The following PPFIA3 variants were observed in gnomAD, a reference collection of about 807,000 sequenced individuals.
PPFIA3 encodes PPFI scaffold protein A3.
Under a neutral mutation model 145.8 loss-of-function variants are expected in PPFIA3, and 26 were observed. That is an observed-to-expected ratio of 0.18 (90% confidence interval 0.13 to 0.25). The LOEUF (loss-of-function observed/expected upper bound fraction) is 0.25. Among genes scored for constraint, PPFIA3 ranks in the 10% least tolerant of loss-of-function variants. The pLI is 1.00. For missense variants in PPFIA3, 1,008 were observed against 1,587.8 expected (o/e 0.63, Z 6.21); for synonymous variants, 645 against 661.4 (o/e 0.98, Z 0.38).
chr19:49,139,311 T>A, intron 16 of PPFIA3, among the ~76,000 whole-genome samples: 1 of 143,956 alleles, frequency 6.9e-6, no homozygotes, highest in Non-Finnish European at 1.5e-5. Context: ...GCGACAGAGC[T>A]AGACTCTGTC....
chr19:49,130,646 G>C lies in PPFIA3; in HGVS notation c.879+47G>C. ...GCTGCCCTGGGTCCCTCGCCTTTCC[G>C]TAGAGCTCTCCCTCGCGCATTGCTC... is the stretch of plus-strand genomic sequence containing the variant. On this transcript the variant is annotated intron_variant, in intron 7 of 29. Transcript: ENST00000334186. This position sits in a 1 kb window ranked among gnomAD's most constrained non-coding sequence, Gnocchi z 4.5. 1 of 1,493,020 alleles carries C rather than the reference G, an allele frequency of 6.7e-7. No homozygotes were observed. The highest frequency in any genetic ancestry group is 9.1e-7 in the Non-Finnish European group (1 of 1,103,382). The allele number at this position is 1,493,020 out of a possible 1,614,324, so 92.5% of individuals were successfully genotyped here.
At position 49,128,503 on chromosome 19, in the gene PPFIA3, C is replaced by T; in HGVS notation, c.342+35C>T. On this transcript the variant is annotated intron_variant, in intron 3 of 29. Transcript: ENST00000334186. This position sits in a 1 kb window ranked among gnomAD's most constrained non-coding sequence, Gnocchi z 4.1. ...GTTGAGGGCGGGGCCTAAGTGGGGG[C>T]GGGGCCTCGTGGTGTTGAAGTGGGG... is the stretch of plus-strand genomic sequence containing the variant. 1 of 427,248 alleles carries T rather than the reference C, an allele frequency of 2.3e-6. No individual in the cohort carries two copies. Among genetic ancestry groups the T allele is most frequent in the Non-Finnish European group, 3.9e-6 (1 of 256,456 alleles). 26.5% of individuals were successfully genotyped at this position (427,248 alleles called of 1,614,324 possible). A position where few individuals can be genotyped will look rare whatever the true frequency, so the allele number is the denominator to read the frequency against.
In PPFIA3 at chr19:49,133,085, C is replaced by G. The variant is rs1325224920; in HGVS notation, c.964C>G (p.Leu322Val). 7 of 1,612,912 alleles carry G rather than the reference C, an allele frequency of 4.3e-6. No homozygotes were observed. Among genetic ancestry groups the G allele is most frequent in the African/African-American group, 1.3e-5 (1 of 74,882 alleles). Reference protein sequence around the residue: ...YLSAQREATSLHDANDKLENE... With the variant: ...YLSAQREATSVHDANDKLENE... ...GAGCGCCCAGCGGGAGGCCACGTCT[C>G]TGCACGACGCCAACGACAAACTGGA... Residue 322 changes from leucine to valine, a missense_variant, in exon 8 of 30, where the codon CTG (leucine) becomes GTG (valine). This residue lies in a region of PPFIA3 where 109 missense variants were observed against 198.1 expected (regional missense o/e 0.55). Transcript: ENST00000334186. This position sits in a 1 kb window ranked among gnomAD's most constrained non-coding sequence, Gnocchi z 7.2.
Position 49,132,390 on chromosome 19 carries a change from CAAAAAAAAAAAAAAAA to C in PPFIA3, c.880-596_880-581del, listed in dbSNP as rs11351172. 9.2e-5 allele frequency among the ~76,000 whole-genome samples: 4 copies of C among 43,648 alleles called. No individual in the cohort carries two copies. In the Admixed American group the frequency reaches 1.2e-3, roughly 13 times the overall value. The allele number at this position is 43,648 out of a possible 152,430, so 28.6% of individuals were successfully genotyped here. ...GGTGACGGAGCAAGACTCTCTCTCTCAAAAAAAAAAAAAAAAAAAAAAAAAAAAAAGAAAGAGAGAG... is the reference window on the plus strand; with the variant it reads ...GGTGACGGAGCAAGACTCTCTCTCTCAAAAAAAAAAAAAAGAAAGAGAGAG... On this transcript the variant is annotated intron_variant, in intron 7 of 29. Transcript: ENST00000334186.
intron 21 of PPFIA3, chr19:49,145,596 A>C: frequency 3.3e-6 from 1 of 304,124 alleles, no homozygotes; most frequent in Non-Finnish European, 6.3e-6. Flanking sequence ...CCCCCCCGCC[A>C]TACTCCCTAA....
chr19:49,146,441 T>G, intron 23 of PPFIA3: 1 of 579,018 alleles, frequency 1.7e-6, no homozygotes, highest in Non-Finnish European at 3.1e-6. Flanking sequence ...CATCGTGGGT[T>G]GTGGGGGCTC....
In PPFIA3 at chr19:49,127,152, G is replaced by T. The variant is rs1165954061; in HGVS notation, c.-15-707G>T. On this transcript the variant is annotated intron_variant, in intron 1 of 29. Transcript: ENST00000334186. The stretch of plus-strand genomic sequence containing the variant: ...TAATCCCAGCACTTTGGGAGGCCGA[G>T]GCGGGCAGATCACGAGGTCAGGAGT... Among the ~76,000 whole-genome samples, 4 of 151,124 alleles carry T rather than the reference G, an allele frequency of 2.6e-5. No individual in the cohort carries two copies. In the South Asian group the frequency reaches 6.3e-4, roughly 24 times the overall value.
In PPFIA3 at chr19:49,133,655, G is replaced by A; in HGVS notation, c.1162-141G>A. ...CCTGAAAAAGTGGACTAGGCGCAGG[G>A]GCGGGGCCTGACTCAAAGGTGCAGG... On this transcript the variant is annotated intron_variant, in intron 9 of 29. Coordinates refer to ENST00000334186, the MANE Select transcript of PPFIA3 (RefSeq NM_003660.4). This position sits in a 1 kb window ranked among gnomAD's most constrained non-coding sequence, Gnocchi z 7.2. The A allele has an allele frequency of 1.0e-6, 1 of 979,772 alleles. No individual in the cohort carries two copies. Among genetic ancestry groups the A allele is most frequent in the Non-Finnish European group, 1.6e-6 (1 of 629,552 alleles). The allele number at this position is 979,772 out of a possible 1,614,324, so 60.7% of individuals were successfully genotyped here.
At chr19:49,138,487 C>A in intron 16 of PPFIA3, 60 bp downstream of exon 16, 7 of 1,386,256 alleles carry the variant, frequency 5.0e-6, no homozygotes, top group Non-Finnish European at 6.7e-6. Flanking sequence ...AGAGGCAGGG[C>A]TCCCCAGTGT....
intron 18 of PPFIA3, 25 bp from the exon 19 acceptor site, chr19:49,141,395 A>G: frequency 1.2e-6 from 2 of 1,600,158 alleles, no homozygotes; most frequent in Non-Finnish European, 1.7e-6. Context: ...AGATTTTCCA[A>G]ATTTCGACCC....
At position 49,149,093 on chromosome 19, in the gene PPFIA3, A is replaced by G. The variant is rs765211533; in HGVS notation, c.3210A>G (p.Ala1070=). The change falls in exon 26 of 30, where the codon GCA becomes GCG. Residue 1070 remains alanine, a synonymous_variant. Coordinates refer to ENST00000334186, the MANE Select transcript of PPFIA3 (RefSeq NM_003660.4). This position sits in a 1 kb window ranked among gnomAD's most constrained non-coding sequence, Gnocchi z 5.7. ...TCACGGAGAGCGGGGTACACGGGGC[A>G]CTGCTCGCCCTGGACGAGACCTTCG... The part of the protein sequence containing the change: ...TNLTESGVHG[A]LLALDETFDY... 1 of 1,614,120 alleles carries G rather than the reference A, an allele frequency of 6.2e-7. No individual in the cohort carries two copies. Among genetic ancestry groups the G allele is most frequent in the Admixed American group, 1.7e-5 (1 of 60,014 alleles).
At chr19:49,131,577 AC>A (rs1177920566) in intron 7 of PPFIA3, among the ~76,000 whole-genome samples, 2 of 151,838 alleles carry the variant, frequency 1.3e-5, no homozygotes, top group African/African-American at 4.8e-5. Flanking sequence ...GGAAATGTGG[AC>A]CTGGATTCTT....
In PPFIA3 at chr19:49,136,558, G is replaced by A. The variant is rs1051822477; in HGVS notation, c.1666-166G>A. 3.9e-5 allele frequency among the ~76,000 whole-genome samples: 6 copies of A among 152,182 alleles called. No homozygotes were observed. In the South Asian group the frequency reaches 8.3e-4, roughly 21 times the overall value. Reference sequence around the variant, plus strand: ...TGCGCCACTGCACTCCAGCCTGGGCGACAGAATGAGACTCTGTCTCAAGAA... The same window carrying A: ...TGCGCCACTGCACTCCAGCCTGGGCAACAGAATGAGACTCTGTCTCAAGAA... On this transcript the variant is annotated intron_variant, in intron 14 of 29. Coordinates refer to ENST00000334186, the MANE Select transcript of PPFIA3 (RefSeq NM_003660.4).
chr19:49,130,408 G>A lies in PPFIA3; in HGVS notation c.688G>A (p.Asp230Asn). 6.2e-7 allele frequency: 1 copy of A among 1,609,896 alleles called. No individual in the cohort carries two copies. Reference sequence around the variant, plus strand: ...TGCCAATGGCCTGGGTCCTGGCGGGGATTCCAACCGGCGCACAGCAGAGCT... The same window carrying A: ...TGCCAATGGCCTGGGTCCTGGCGGGAATTCCAACCGGCGCACAGCAGAGCT... ...TLANGLGPGG[D>N]SNRRTAELEE... The change falls in exon 7 of 30, where the codon GAT becomes AAT. Residue 230 changes from aspartate to asparagine, a missense_variant. By Grantham distance (23) the Asp-to-Asn change is conservative (BLOSUM62 1). This residue lies in a region of PPFIA3 where 136 missense variants were observed against 160.7 expected (regional missense o/e 0.85). Coordinates refer to ENST00000334186, the MANE Select transcript of PPFIA3 (RefSeq NM_003660.4). The surrounding 1 kb of genome is among the most constrained non-coding windows in gnomAD (Gnocchi z 4.5).
rs1229807609 is a variant in PPFIA3, at chr19:49,130,771, G to A, written c.879+172G>A. On this transcript the variant is annotated intron_variant, in intron 7 of 29. Transcript: ENST00000334186. The surrounding 1 kb of genome is among the most constrained non-coding windows in gnomAD (Gnocchi z 4.5). ...AGGAAATGTATGATTCTCATCAGAG[G>A]GTGAGCCTGTGGCGCAGAGTAGGCG... Among the ~76,000 whole-genome samples, 2 of 152,220 alleles carry A rather than the reference G, an allele frequency of 1.3e-5. No homozygotes were observed. Among genetic ancestry groups the A allele is most frequent in the Non-Finnish European group, 2.9e-5 (2 of 68,032 alleles).
chr19:49,122,652 T>G (rs1232249043), intron 1 of PPFIA3, among the ~76,000 whole-genome samples: 2 of 152,146 alleles, frequency 1.3e-5, no homozygotes, highest in Non-Finnish European at 2.9e-5. Flanking sequence ...TTTCCCTGTT[T>G]TAGGTTCTAA....
At chr19:49,148,606 G>A (rs959098333) in intron 24 of PPFIA3, 60 bp from the exon 25 acceptor site, 330 of 1,345,414 alleles carry the variant, frequency 2.5e-4, no homozygotes, top group Admixed American at 7.4e-5. Context: ...GGGACCCGTA[G>A]GAGCAGCAGT....
In PPFIA3 at chr19:49,140,511, G is replaced by T. The variant is rs144285477; in HGVS notation, c.2368+423G>T. On this transcript the variant is annotated intron_variant, in intron 18 of 29. Transcript: ENST00000334186. ...CTATAGGCGCCCGCCACTATGCCTG[G>T]CTAATTTTTTTGTATTTTTAGTAGA... 8.7e-3 allele frequency among the ~76,000 whole-genome samples: 1,314 copies of T among 151,752 alleles called. 6 individuals are homozygous for T. Among genetic ancestry groups the T allele is most frequent in the Middle Eastern group, 0.014 (4 of 294 alleles).
Position 49,149,601 on chromosome 19 carries a change from A to G in PPFIA3, c.3409A>G (p.Lys1137Glu). The part of the protein sequence containing the change: ...SPSWRKMFRE[K>E]DLRGVTPDSA... ...ATCCTGGCGGAAGATGTTCCGGGAG[A>G]AGGACCTCCGAGGCGTAACTCCCGA... The change falls in exon 28 of 30, where the codon AAG becomes GAG. Residue 1137 changes from lysine (K) to glutamate (E), a missense_variant. Lys to Glu is a moderately conservative substitution (Grantham distance 56, BLOSUM62 1). Coordinates refer to ENST00000334186, the MANE Select transcript of PPFIA3 (RefSeq NM_003660.4). The surrounding 1 kb of genome is among the most constrained non-coding windows in gnomAD (Gnocchi z 5.7). 1 of 1,614,136 alleles carries G rather than the reference A, an allele frequency of 6.2e-7. No individual in the cohort carries two copies. Among genetic ancestry groups the G allele is most frequent in the Non-Finnish European group, 8.5e-7 (1 of 1,180,020 alleles).
Sources: gnomAD v4.1 joint callset for allele counts (sites outside exome capture counted in the v4.1 genomes callset) on GRCh38, gnomAD v4.1.1 for gene constraint, gnomAD v4.1.1 regional missense constraint, Gnocchi (gnomAD v3.1) non-coding constraint, MANE v1.5 for transcripts, NCBI Gene and HGNC (gene_info 2026-07-23, HGNC 2026-07-21) for gene names.